The following BLOC1S3 variants were observed in gnomAD, a reference collection of about 807,000 sequenced individuals.
BLOC1S3 encodes biogenesis of lysosomal organelles complex 1 subunit 3, also known as biogenesis of lysosome-related organelles complex 1 subunit 3.
Under a neutral mutation model 9.1 loss-of-function variants are expected in BLOC1S3, and 7 were observed. The observed-to-expected ratio is 0.77, with a 90% CI of 0.44 to 1.45. The LOEUF (loss-of-function observed/expected upper bound fraction) is 1.45, where lower values mean the gene tolerates loss of function less well. Among genes scored for constraint, BLOC1S3 ranks in the 40% most tolerant of loss-of-function variants. The pLI is 0.01. For missense variants in BLOC1S3, 307 were observed against 315.2 expected (o/e 0.97, Z 0.20); for synonymous variants, 145 against 158.4 (o/e 0.92, Z 0.64).
chr19:45,216,089 C>G, intron 3 of BLOC1S3: 1 of 1,613,820 alleles, frequency 6.2e-7, no homozygotes, highest in Non-Finnish European at 8.5e-7. Context: ...TCTGGGTAGT[C>G]GCGCACCAAC....
At chr19:45,185,973 C>T (rs945087979), downstream of BLOC1S3, among the ~76,000 whole-genome samples, 3 of 151,966 alleles carry the variant, frequency 2.0e-5, no homozygotes, top group East Asian at 3.9e-4. Context: ...TCATTCTGGG[C>T]GTGGTGGTGT....
intron 3 of BLOC1S3, among the ~76,000 whole-genome samples, chr19:45,204,567 G>A (rs1273422387): frequency 6.6e-6 from 1 of 152,092 alleles, no homozygotes; most frequent in Non-Finnish European, 1.5e-5. Context: ...GTCATCCAAA[G>A]GCTCAGCTGG....
chr19:45,201,783 G>C (rs1450318545), intron 2 of BLOC1S3, among the ~76,000 whole-genome samples: 1 of 152,024 alleles, frequency 6.6e-6, no homozygotes, highest in Non-Finnish European at 1.5e-5. Flanking sequence ...GTTATAGGGG[G>C]TACCCAGTGG....
intron 3 of BLOC1S3, chr19:45,212,865 G>T (rs765640635): frequency 4.3e-5 from 23 of 538,076 alleles, no homozygotes; most frequent in Non-Finnish European, 5.8e-5. Flanking sequence ...CTCCCAAAGT[G>T]TTGGGATTAC....
intron 3 of BLOC1S3, chr19:45,213,410 AC>A (rs1262755759): frequency 1.9e-6 from 3 of 1,592,970 alleles, no homozygotes; most frequent in Non-Finnish European, 2.6e-6. Flanking sequence ...CTAGACACAC[AC>A]CCAACCCAGC....
At chr19:45,205,880 G>C (rs1969722284) in intron 3 of BLOC1S3, among the ~76,000 whole-genome samples, 1 of 152,152 alleles carries the variant, frequency 6.6e-6, no homozygotes, top group African/African-American at 2.4e-5. Context: ...TGACAAACAA[G>C]TACACAAAAA....
chr19:45,212,597 C>CATT (rs1185376275), intron 3 of BLOC1S3: 1 of 127,568 alleles, frequency 7.8e-6, no homozygotes, highest in African/African-American at 3.3e-5. Flanking sequence ...TTTCCCCCTA[C>CATT]CTTTTTTTTT....
intron 2 of BLOC1S3, among the ~76,000 whole-genome samples, chr19:45,196,008 T>C (rs1050752505): frequency 1.3e-5 from 2 of 152,198 alleles, no homozygotes; most frequent in African/African-American, 2.4e-5. Flanking sequence ...CATTCCCCTA[T>C]TGATGATCAT....
chr19:45,182,957 G>C (rs1456239362), downstream of BLOC1S3, among the ~76,000 whole-genome samples: 2 of 152,166 alleles, frequency 1.3e-5, no homozygotes, highest in Non-Finnish European at 2.9e-5. Flanking sequence ...TGCTGGAGCT[G>C]AGCCCGGAAG....
At chr19:45,203,804 A>T (rs1969708428) in intron 3 of BLOC1S3, among the ~76,000 whole-genome samples, 1 of 151,952 alleles carries the variant, frequency 6.6e-6, no homozygotes, top group South Asian at 2.1e-4. Flanking sequence ...CCCCAAATGC[A>T]CAGATTCTCT....
intron 3 of BLOC1S3, among the ~76,000 whole-genome samples, chr19:45,209,368 G>T (rs1245008678): frequency 6.6e-6 from 1 of 151,948 alleles, no homozygotes; most frequent in Non-Finnish European, 1.5e-5. Flanking sequence ...TAATAACAAT[G>T]TATTGTATAC....
chr19:45,212,598 C>CTTTTTTTTT (rs530736333), intron 3 of BLOC1S3: 2 of 111,352 alleles, frequency 1.8e-5, no homozygotes, highest in African/African-American at 4.0e-5. Context: ...TTCCCCCTAC[C>CTTTTTTTTT]TTTTTTTTTT....
intron 3 of BLOC1S3, among the ~76,000 whole-genome samples, chr19:45,207,744 T>TA (rs986329138): frequency 6.6e-6 from 1 of 151,502 alleles, no homozygotes; most frequent in Non-Finnish European, 1.5e-5. Context: ...CTCAAAAAAT[T>TA]AAAAAAAATT....
chr19:45,193,568 T>TG (rs1196541559), intron 2 of BLOC1S3, among the ~76,000 whole-genome samples: 1 of 151,936 alleles, frequency 6.6e-6, no homozygotes, highest in Non-Finnish European at 1.5e-5. Flanking sequence ...AAGCCATACT[T>TG]GCCCGTTTCT....
chr19:45,182,187 C>G (rs1969529466), downstream of BLOC1S3, among the ~76,000 whole-genome samples: 1 of 151,810 alleles, frequency 6.6e-6, no homozygotes, highest in East Asian at 1.9e-4. Context: ...ATTAAAAATA[C>G]AAAAATTTTG....
intron 2 of BLOC1S3, among the ~76,000 whole-genome samples, chr19:45,199,437 TC>T (rs1475869531): frequency 1.4e-5 from 2 of 144,864 alleles, no homozygotes; most frequent in Non-Finnish European, 3.0e-5. Context: ...TGCCTCAGCC[TC>T]CCGAGTAGCT....
At position 45,179,488 on chromosome 19, in the gene BLOC1S3, CTCGGAG is replaced by C. The variant is rs1205456790; in HGVS notation, c.193_198del (p.Ser65_Glu66del). 2.0e-6 allele frequency: 3 copies of C among 1,523,770 alleles called. No individual in the cohort carries two copies. Among genetic ancestry groups the C allele is most frequent in the Non-Finnish European group, 2.6e-6 (3 of 1,142,612 alleles). The allele number at this position is 1,523,770 out of a possible 1,614,324, so 94.4% of individuals were successfully genotyped here. ...TGGCTGGGGAAGCCGCGGAGACCGA[CTCGGAG>C]CCGGAGCCGGAGCCGGAACCGACGG... is the stretch of plus-strand genomic sequence containing the variant. On this transcript the variant is annotated inframe_deletion, in exon 2 of 2. Coordinates refer to ENST00000433642, the MANE Select transcript of BLOC1S3 (RefSeq NM_212550.5). This position sits in a 1 kb window ranked among gnomAD's most constrained non-coding sequence, Gnocchi z 4.6.
intron 2 of BLOC1S3, among the ~76,000 whole-genome samples, chr19:45,193,003 C>G (rs1969617742): frequency 6.7e-6 from 1 of 149,632 alleles, no homozygotes; most frequent in Admixed American, 6.6e-5. Flanking sequence ...TGTTGTGGCA[C>G]ACGCGTGTAA....
intron 2 of BLOC1S3, among the ~76,000 whole-genome samples, chr19:45,188,731 C>A (rs1481801762): frequency 6.6e-6 from 1 of 151,840 alleles, no homozygotes; most frequent in Admixed American, 6.6e-5. Flanking sequence ...CGCCCCCATG[C>A]CTGGCTAATT....
Sources: gnomAD v4.1 joint callset for allele counts (sites outside exome capture counted in the v4.1 genomes callset) on GRCh38, gnomAD v4.1.1 for gene constraint, Gnocchi (gnomAD v3.1) non-coding constraint, MANE v1.5 for transcripts, NCBI Gene and HGNC (gene_info 2026-07-23, HGNC 2026-07-21) for gene names.